Variants in DTD1 observed in about 807,000 individuals in gnomAD.
DTD1 encodes D-aminoacyl-tRNA deacylase 1.
Under a neutral mutation model 25.6 loss-of-function variants are expected in DTD1, and 13 were observed. That is an observed-to-expected ratio of 0.51 (90% CI 0.33 to 0.81). The LOEUF is 0.81. DTD1 is among the 30% of genes least tolerant of loss of function. The pLI is 0.02. For missense variants in DTD1, 193 were observed against 266.4 expected, an observed-to-expected ratio of 0.72 and a Z score of 1.92; for synonymous variants, 110 against 103.6, an observed-to-expected ratio of 1.06 and a Z score of -0.37.
At chr20:18,657,558 G>C (rs1209689289) in intron 4 of DTD1, among the ~76,000 whole-genome samples, 1 of 152,200 alleles carries the variant, frequency 6.6e-6, no homozygotes, top group Non-Finnish European at 1.5e-5. Flanking sequence ...AGGGAGTCCA[G>C]ATCGCTCAGC....
chr20:18,645,361 A>T (rs892152174), intron 4 of DTD1, among the ~76,000 whole-genome samples: 2 of 152,200 alleles, frequency 1.3e-5, no homozygotes, highest in African/African-American at 4.8e-5. Flanking sequence ...GCAGGGAGAA[A>T]TCTGTGTGTA....
chr20:18,698,555 A>AC (rs2061089509), intron 4 of DTD1: 1 of 152,246 alleles, frequency 6.6e-6, no homozygotes, highest in Non-Finnish European at 1.5e-5. Context: ...TGAGAACTGT[A>AC]CTTTGTAGAA....
chr20:18,759,729 C>T (rs1019105801), intron 5 of DTD1, among the ~76,000 whole-genome samples: 8 of 152,140 alleles, frequency 5.3e-5, no homozygotes, highest in Admixed American at 5.2e-4. Flanking sequence ...TTGCTCTTCT[C>T]GAGCAGTATC....
At chr20:18,610,150 A>G (rs1370026298) in intron 3 of DTD1, among the ~76,000 whole-genome samples, 1 of 152,228 alleles carries the variant, frequency 6.6e-6, no homozygotes, top group Non-Finnish European at 1.5e-5. Flanking sequence ...ATGGGTGAAC[A>G]TTTATAGTTG....
At chr20:18,687,762 T>C (rs2061022824) in intron 4 of DTD1, among the ~76,000 whole-genome samples, 1 of 152,160 alleles carries the variant, frequency 6.6e-6, no homozygotes, top group African/African-American at 2.4e-5. Flanking sequence ...AAGGCTGGTC[T>C]TGAACTTCTG....
intron 4 of DTD1, among the ~76,000 whole-genome samples, chr20:18,718,605 G>A (rs2061190854): frequency 6.6e-6 from 1 of 152,092 alleles, no homozygotes; most frequent in South Asian, 2.1e-4. Flanking sequence ...GATTATATAA[G>A]GTTGAACCAT....
At chr20:18,670,822 G>A (rs1479149046) in intron 4 of DTD1, among the ~76,000 whole-genome samples, 1 of 152,214 alleles carries the variant, frequency 6.6e-6, no homozygotes, top group African/African-American at 2.4e-5. Flanking sequence ...CATCCAGACA[G>A]TGAAAACATT....
intron 5 of DTD1, among the ~76,000 whole-genome samples, chr20:18,753,721 TC>T (rs2061329308): frequency 6.6e-6 from 1 of 152,106 alleles, no homozygotes; most frequent in Admixed American, 6.5e-5. Context: ...CAAGGTTTGT[TC>T]CTACCACTTT....
At chr20:18,591,827 C>T (rs2060590690) in intron 1 of DTD1, among the ~76,000 whole-genome samples, 1 of 151,988 alleles carries the variant, frequency 6.6e-6, no homozygotes, top group South Asian at 2.1e-4. Flanking sequence ...GCAAACCAAC[C>T]CCCAATTGTT....
rs186017595 is a variant in DTD1 at position 18,674,347 on chromosome 20, C to T, written c.477+46114C>T. On this transcript the variant is annotated intron_variant, in intron 4 of 5. Transcript: ENST00000377452. ...AATTAGAAACTGCTTGTAGCAGTTC[C>T]ATAGGGAGGCAGTTAACCCAAGTCA... 4.5e-4 allele frequency: 68 copies of T among 152,238 alleles called. 1 individual carries two copies. Among genetic ancestry groups the T allele is most frequent in the Admixed American group, 4.4e-3 (68 of 15,290 alleles). The allele number at this position is 152,238 out of a possible 1,614,324, so 9.4% of individuals were successfully genotyped here.
At position 18,741,106 on chromosome 20, in the gene DTD1, C is replaced by T. The variant is rs73899880; in HGVS notation, c.478-2994C>T. Among the ~76,000 whole-genome samples the T allele has an allele frequency of 8.6e-3, 1,314 of 152,264 alleles. 19 individuals carry two copies. Among genetic ancestry groups the T allele is most frequent in the African/African-American group, 0.03 (1,257 of 41,552 alleles). ...TGTTTGTTACCAGGCCATGGCGAAA[C>T]AAAGAACAAAACTGAGACGGCATCT... On this transcript the variant is annotated intron_variant, in intron 4 of 5. Coordinates refer to ENST00000377452, the MANE Select transcript of DTD1 (RefSeq NM_080820.6).
intron 4 of DTD1, among the ~76,000 whole-genome samples, chr20:18,716,434 C>T (rs1189181120): frequency 2.0e-5 from 3 of 152,230 alleles, no homozygotes; most frequent in Non-Finnish European, 4.4e-5. Context: ...CACCAGGAGA[C>T]ACATGCCACC....
At chr20:18,593,431 A>G (rs576706881) in intron 1 of DTD1, among the ~76,000 whole-genome samples, 1 of 152,344 alleles carries the variant, frequency 6.6e-6, no homozygotes, top group East Asian at 1.9e-4. Flanking sequence ...AAACTTGACC[A>G]TAGAAAATTT....
intron 3 of DTD1, among the ~76,000 whole-genome samples, chr20:18,624,389 A>G (rs2060749133): frequency 6.6e-6 from 1 of 152,254 alleles, no homozygotes; most frequent in Non-Finnish European, 1.5e-5. Flanking sequence ...GGGAGAAATT[A>G]CAGGCCAAGA....
chr20:18,701,101 G>A (rs1600378919), intron 4 of DTD1, among the ~76,000 whole-genome samples: 1 of 152,214 alleles, frequency 6.6e-6, no homozygotes, highest in East Asian at 1.9e-4. Context: ...GCCCCAGAGA[G>A]TTGTTGTTTA....
chr20:18,596,359 T>G, intron 3 of DTD1, 118 bp downstream of exon 3: 2 of 837,544 alleles, frequency 2.4e-6, no homozygotes, highest in Non-Finnish European at 3.7e-6. Flanking sequence ...TGCTTGTTAC[T>G]TACTTAGAAC....
At chr20:18,648,142 A>G (rs897002825) in intron 4 of DTD1, among the ~76,000 whole-genome samples, 3 of 152,192 alleles carry the variant, frequency 2.0e-5, no homozygotes, top group Admixed American at 2.0e-4. Flanking sequence ...GGTCACGGGT[A>G]TAGGAAGCTG....
intron 4 of DTD1, among the ~76,000 whole-genome samples, chr20:18,647,409 G>A (rs2060854331): frequency 6.6e-6 from 1 of 152,174 alleles, no homozygotes; most frequent in Non-Finnish European, 1.5e-5. Flanking sequence ...GCCTGGTGCT[G>A]AGGGAGTGAG....
chr20:18,595,560 G>A (rs1307443524), intron 2 of DTD1, among the ~76,000 whole-genome samples: 3 of 152,154 alleles, frequency 2.0e-5, no homozygotes, highest in Admixed American at 6.5e-5. Flanking sequence ...ATGAGCCACC[G>A]TTCTCAGCCG....
Sources: gnomAD v4.1 joint callset for allele counts (sites outside exome capture counted in the v4.1 genomes callset) on GRCh38, gnomAD v4.1.1 for gene constraint, MANE v1.5 for transcripts, NCBI Gene and HGNC (gene_info 2026-07-23, HGNC 2026-07-21) for gene names.